Variants in SHQ1 observed in about 807,000 individuals in gnomAD.
SHQ1 encodes the protein SHQ1, H/ACA ribonucleoprotein assembly factor, also known as protein SHQ1 homolog.
Under a neutral mutation model 53.8 loss-of-function variants are expected in SHQ1, and 49 were observed. The ratio of observed to expected loss-of-function variants is 0.91; its 90% CI spans 0.72 to 1.16. The LOEUF (loss-of-function observed/expected upper bound fraction) is 1.16, where lower values mean the gene tolerates loss of function less well. SHQ1 is among the 50% of genes most tolerant of loss of function. SHQ1 has a pLI of 0.00. For missense variants in SHQ1, 738 were observed against 683.1 expected (o/e 1.08, Z -0.90); for synonymous variants, 243 against 251.0 (o/e 0.97, Z 0.30).
At chr3:72,803,835 G>A (rs537837699) in intron 9 of SHQ1, among the ~76,000 whole-genome samples, 4 of 151,954 alleles carry the variant, frequency 2.6e-5, no homozygotes, top group South Asian at 4.2e-4. Flanking sequence ...TTTTTTCAAC[G>A]ATTTAAAAAT....
At chr3:72,829,742 G>A (rs1021735869) in intron 5 of SHQ1, among the ~76,000 whole-genome samples, 1 of 152,106 alleles carries the variant, frequency 6.6e-6, no homozygotes, top group Non-Finnish European at 1.5e-5. Context: ...ACAACAAATG[G>A]TATAAGATCA....
intron 1 of SHQ1, chr3:72,846,326 GCT>G (rs1180543870): frequency 9.2e-6 from 14 of 1,515,054 alleles, no homozygotes; most frequent in Non-Finnish European, 1.2e-5. Flanking sequence ...AGACAGTCTC[GCT>G]CTGTTACTCA....
At chr3:72,751,494 G>GTACATATATA (rs1431742565) in intron 10 of SHQ1, among the ~76,000 whole-genome samples, 12 of 97,532 alleles carry the variant, frequency 1.2e-4, no homozygotes, top group African/African-American at 6.1e-4. Context: ...GTGTGTGTGT[G>GTACATATATA]TGTGTGTGTG....
downstream of SHQ1, among the ~76,000 whole-genome samples, chr3:72,745,787 T>A (rs915952591): frequency 7.9e-5 from 12 of 152,140 alleles, no homozygotes; most frequent in African/African-American, 2.9e-4. Flanking sequence ...GCAGTTCTAT[T>A]TCCATTTCTG....
At chr3:72,783,152 A>G (rs191546607) in intron 10 of SHQ1, among the ~76,000 whole-genome samples, 99 of 152,290 alleles carry the variant, frequency 6.5e-4, no homozygotes, top group African/African-American at 2.3e-3. Flanking sequence ...AAAACAAGAA[A>G]GAACAGAGAC....
chr3:72,816,460 A>T (rs968967053), intron 7 of SHQ1, among the ~76,000 whole-genome samples: 1 of 152,204 alleles, frequency 6.6e-6, no homozygotes, highest in Non-Finnish European at 1.5e-5. Context: ...TAACCTTTTG[A>T]GCAAGGACAA....
At chr3:72,835,800 CATT>C (rs1483757010) in intron 4 of SHQ1, among the ~76,000 whole-genome samples, 2 of 152,216 alleles carry the variant, frequency 1.3e-5, no homozygotes, top group Non-Finnish European at 1.5e-5. Flanking sequence ...CCCTTCTCAT[CATT>C]GAGAACTCAG....
chr3:72,841,783 T>C (rs1532734), intron 3 of SHQ1, among the ~76,000 whole-genome samples: 59,795 of 151,998 alleles, frequency 0.39, 12,321 homozygotes, highest in East Asian at 0.66. Flanking sequence ...TAGATTCTCA[T>C]AGGGAGCACA....
At position 72,832,374 on chromosome 3, in the gene SHQ1, A is replaced by G. The variant is rs1288396389; in HGVS notation, c.594T>C (p.His198=). The G allele has an allele frequency of 6.2e-7, 1 of 1,606,400 alleles. No individual in the cohort carries two copies. The highest frequency in any genetic ancestry group is 1.1e-5 in the South Asian group (1 of 90,398). ...AAELAKFDPD[H]YLADFFEDEA... is the part of the protein sequence containing the mutation. ...TCAAAAATCTCATTACTCACAGATA[A>G]TGATCAGGATCAAACTTGGCCAGCT... The change falls in exon 5 of 11, where the codon CAT becomes CAC. Residue 198 remains histidine (H), a synonymous_variant. Transcript: ENST00000325599.
At chr3:72,836,557 C>T (rs1223615425) in intron 4 of SHQ1, among the ~76,000 whole-genome samples, 1 of 152,102 alleles carries the variant, frequency 6.6e-6, no homozygotes, top group Non-Finnish European at 1.5e-5. Context: ...TCAGGGCCTC[C>T]ACTATAGTCA....
At chr3:72,768,624 G>A (rs1156592598) in intron 10 of SHQ1, among the ~76,000 whole-genome samples, 1 of 152,114 alleles carries the variant, frequency 6.6e-6, no homozygotes, top group East Asian at 1.9e-4. Context: ...TGTTTAGTAC[G>A]TGTCCAAAGA....
At chr3:72,766,603 T>C (rs75191442) in intron 10 of SHQ1, among the ~76,000 whole-genome samples, 4,782 of 152,308 alleles carry the variant, frequency 0.031, 226 homozygotes, top group African/African-American at 0.095. Context: ...TGTGTCATTC[T>C]ACAACTTACC....
intron 9 of SHQ1, among the ~76,000 whole-genome samples, chr3:72,806,220 G>A (rs546551959): frequency 1.2e-4 from 18 of 152,240 alleles, no homozygotes; most frequent in African/African-American, 3.9e-4. Context: ...AGGAGAATCC[G>A]GAGTTCTCCC....
rs1027540946 is a variant in SHQ1 at position 72,848,420 on chromosome 3, A to G, written c.-80T>C. The G allele has an allele frequency of 6.7e-6, 10 of 1,499,488 alleles. No individual in the cohort carries two copies. Among genetic ancestry groups the G allele is most frequent in the South Asian group, 1.3e-5 (1 of 74,206 alleles). 92.9% of individuals were successfully genotyped at this position (1,499,488 alleles called of 1,614,324 possible). Reference sequence around the variant, plus strand: ...CGCCACGCAAACTCTCCAACTCCCCACGCGCAGGAACTCTCGGTGTGAGGG... The same window carrying G: ...CGCCACGCAAACTCTCCAACTCCCCGCGCGCAGGAACTCTCGGTGTGAGGG... On this transcript the variant is annotated 5_prime_UTR_variant, in exon 1 of 11. Coordinates refer to ENST00000325599, the MANE Select transcript of SHQ1 (RefSeq NM_018130.3).
rs149368456 is a variant in SHQ1 at position 72,772,185 on chromosome 3, G to A, written c.1181+20731C>T. Reference sequence around the variant, plus strand: ...CGTCAGAAAAAGCTTAAAGCAAAATGTAACAAATATGGTAGAGAAAATGGA... The same window carrying A: ...CGTCAGAAAAAGCTTAAAGCAAAATATAACAAATATGGTAGAGAAAATGGA... On this transcript the variant is annotated intron_variant, in intron 10 of 10. Transcript: ENST00000325599. Among the ~76,000 whole-genome samples the A allele has an allele frequency of 1.8e-3, 267 of 150,712 alleles. 2 individuals carry two copies. The highest frequency in any genetic ancestry group is 2.7e-3 in the Non-Finnish European group (181 of 67,748).
chr3:72,847,430 C>A (rs1708376514), intron 1 of SHQ1, among the ~76,000 whole-genome samples: 1 of 146,212 alleles, frequency 6.8e-6, no homozygotes, highest in African/African-American at 2.6e-5. Flanking sequence ...GGGTTAATAG[C>A]AGTGCTTATC....
chr3:72,842,108 T>G, intron 3 of SHQ1, among the ~76,000 whole-genome samples, 172 bp downstream of exon 3: 1 of 152,244 alleles, frequency 6.6e-6, no homozygotes, highest in East Asian at 1.9e-4. Context: ...GGATTTTTAA[T>G]GTCTTAATTA....
intron 9 of SHQ1, among the ~76,000 whole-genome samples, chr3:72,811,519 C>T (rs989024851): frequency 2.6e-5 from 4 of 152,216 alleles, no homozygotes. Context: ...AATGATAGCT[C>T]TTTCATCCTA....
intron 6 of SHQ1, among the ~76,000 whole-genome samples, chr3:72,819,750 T>C (rs957817094): frequency 5.9e-5 from 9 of 152,178 alleles, no homozygotes; most frequent in African/African-American, 2.2e-4. Flanking sequence ...ATTTACTGGA[T>C]TTAATTAATA....
Sources: allele counts gnomAD v4.1 joint callset (sites outside exome capture counted in the v4.1 genomes callset), GRCh38; gene constraint gnomAD v4.1.1; transcripts MANE v1.5; gene names NCBI Gene and HGNC (gene_info 2026-07-23, HGNC 2026-07-21).